The following LGI4 variants were observed in gnomAD, a reference collection of about 807,000 sequenced individuals.
LGI4 encodes the protein leucine rich repeat LGI family member 4, also known as leucine-rich repeat LGI family member 4.
Under a neutral mutation model 48.3 loss-of-function variants are expected in LGI4, and 36 were observed. That is an observed-to-expected ratio of 0.75 (90% confidence interval 0.57 to 0.98). The LOEUF (loss-of-function observed/expected upper bound fraction) is 0.98. Among genes scored for constraint, LGI4 ranks in the 50% least tolerant of loss-of-function variants. LGI4 has a pLI of 0.00. For missense variants in LGI4, 701 were observed against 732.1 expected, an observed-to-expected ratio of 0.96 and a Z score of 0.49; for synonymous variants, 355 against 331.6, an observed-to-expected ratio of 1.07 and a Z score of -0.77.
At chr19:35,129,117 C>T (rs115603684) in intron 6 of LGI4, among the ~76,000 whole-genome samples, 149 of 152,260 alleles carry the variant, frequency 9.8e-4, no homozygotes, top group African/African-American at 3.5e-3. Context: ...CGTAAGGCCA[C>T]GGCTCAGGTC....
chr19:35,134,957 T>A lies in LGI4; in HGVS notation c.-277A>T. On this transcript the variant is annotated 5_prime_UTR_variant, in exon 1 of 9. In the 5' UTR this introduces an upstream ATG that the reference lacks. Coordinates refer to ENST00000310123, the MANE Select transcript of LGI4 (RefSeq NM_139284.3). ...GTTTCTATTTCTGTCTTTGTCTCTC[T>A]TTCTGCCTGTTTCTTTTTTTCTGTG... 1 of 442,066 alleles carries A rather than the reference T, an allele frequency of 2.3e-6. No individual in the cohort carries two copies. The highest frequency in any genetic ancestry group is 4.0e-6 in the Non-Finnish European group (1 of 249,862). The allele number at this position is 442,066 out of a possible 1,614,324, so 27.4% of individuals were successfully genotyped here.
chr19:35,126,075 C>T, intron 8 of LGI4, 195 bp downstream of exon 8: 1 of 626,624 alleles, frequency 1.6e-6, no homozygotes, highest in Non-Finnish European at 2.8e-6. Flanking sequence ...GATGTTGGGG[C>T]CAGCATCAGT....
At chr19:35,125,892 G>C (rs2065131036) in intron 8 of LGI4, 1 of 541,186 alleles carries the variant, frequency 1.8e-6, no homozygotes, top group African/African-American at 1.9e-5. Context: ...TCAGATCAGG[G>C]CCCTTCCAGA....
chr19:35,126,390 G>C lies in LGI4; in HGVS notation c.1179C>G (p.Thr393=), dbSNP rs781216023. 3.1e-6 allele frequency: 5 copies of C among 1,610,556 alleles called. No individual in the cohort carries two copies. The Middle Eastern group carries it at 6.6e-4, about 213-fold the overall frequency. ...CTGTGCGTCTCTCGAAGCGGCCACC[G>C]GTCCAGTGGAAGAGCACGGGCCGCT... ...ASQRPVLFHW[T]GGRFERRTDI... is the part of the protein sequence containing the mutation. Residue 393 remains threonine, a synonymous_variant, in exon 8 of 9, where the codon ACC becomes ACG. Coordinates refer to ENST00000310123, the MANE Select transcript of LGI4 (RefSeq NM_139284.3).
intron 3 of LGI4, among the ~76,000 whole-genome samples, chr19:35,132,708 AATC>A (rs2065184136): frequency 1.3e-5 from 2 of 152,228 alleles, no homozygotes; most frequent in East Asian, 1.9e-4. Flanking sequence ...CAACACTAAT[AATC>A]ATCACCAACA....
rs1018706278 is a variant in LGI4 at position 35,133,570 on chromosome 19, C to A, written c.314+123G>T. 33 of 1,478,972 alleles carry A rather than the reference C, an allele frequency of 2.2e-5. No individual in the cohort carries two copies. In the African/African-American group the frequency reaches 4.4e-4, roughly 20 times the overall value. 91.6% of individuals were successfully genotyped at this position (1,478,972 alleles called of 1,614,324 possible). A position where few individuals can be genotyped will look rare whatever the true frequency, so the allele number is the denominator to read the frequency against. On this transcript the variant is annotated intron_variant, in intron 3 of 8. Transcript: ENST00000310123. ...GTTCGCCATTTTTATCAACACCATC[C>A]CACCATGATGTCCAAACACCTGCTC...
chr19:35,129,003 C>T (rs1331024877), intron 6 of LGI4, among the ~76,000 whole-genome samples: 1 of 152,134 alleles, frequency 6.6e-6, no homozygotes, highest in Non-Finnish European at 1.5e-5. Context: ...TAGGAACCCT[C>T]ATTCTCTCAT....
chr19:35,133,983 A>T lies in LGI4; in HGVS notation c.242+50T>A, dbSNP rs1010258736. ...AGCATACACTCCCACACATGTGCAT[A>T]AACGCACACTCCCTTGAGCTGGTTG... On this transcript the variant is annotated intron_variant, in intron 2 of 8. Transcript: ENST00000310123. 7.3e-6 allele frequency: 11 copies of T among 1,508,342 alleles called. No individual in the cohort carries two copies. In the Admixed American group the frequency reaches 2.2e-4, roughly 30 times the overall value. 93.4% of individuals were successfully genotyped at this position (1,508,342 alleles called of 1,614,324 possible).
At chr19:35,125,995 G>C (rs1291134119) in intron 8 of LGI4, 2 of 565,786 alleles carry the variant, frequency 3.5e-6, no homozygotes, top group African/African-American at 3.8e-5. Context: ...TCAGGGTGGG[G>C]ACAGGTGTGG....
Position 35,125,186 on chromosome 19 carries a change from G to C in LGI4, c.*7C>G, listed in dbSNP as rs778966473. The C allele has an allele frequency of 2.6e-6, 4 of 1,513,142 alleles. No homozygotes were observed. The East Asian group carries it at 9.1e-5, about 35-fold the overall frequency. 93.7% of individuals were successfully genotyped at this position (1,513,142 alleles called of 1,614,324 possible). A position where few individuals can be genotyped will look rare whatever the true frequency, so the allele number is the denominator to read the frequency against. On this transcript the variant is annotated 3_prime_UTR_variant, in exon 9 of 9. Coordinates refer to ENST00000310123, the MANE Select transcript of LGI4 (RefSeq NM_139284.3). ...CCCCAGCCATGCCCAGAGTCCCGTTGGTGGTCTCAGGCACTGAGGTCGATC... is the reference window on the plus strand; with the variant it reads ...CCCCAGCCATGCCCAGAGTCCCGTTCGTGGTCTCAGGCACTGAGGTCGATC...
At chr19:35,125,960 T>A in intron 8 of LGI4, 1 of 536,510 alleles carries the variant, frequency 1.9e-6, no homozygotes, top group Non-Finnish European at 3.4e-6. Flanking sequence ...TGCTTAACCC[T>A]AGCATCAGCC....
chr19:35,130,823 C>A (rs1223667109), intron 6 of LGI4, among the ~76,000 whole-genome samples: 1 of 152,184 alleles, frequency 6.6e-6, no homozygotes, highest in African/African-American at 2.4e-5. Context: ...CACAGCTTTC[C>A]CCATCCCTGC....
rs141157599 is a variant in LGI4 at position 35,128,446 on chromosome 19, C to T, written c.629-1429G>A. ...ACTCTCAGCCGAGAGTGGTGGCTCACGCCTGTAATCCCCACATTTTGGGAA... is the reference window on the plus strand; with the variant it reads ...ACTCTCAGCCGAGAGTGGTGGCTCATGCCTGTAATCCCCACATTTTGGGAA... On this transcript the variant is annotated intron_variant, in intron 6 of 8. Transcript: ENST00000310123. Among the ~76,000 whole-genome samples the T allele has an allele frequency of 3.9e-4, 59 of 152,304 alleles. No homozygotes were observed. In the East Asian group the frequency reaches 6.2e-3, roughly 16 times the overall value.
intron 1 of LGI4, 139 bp downstream of exon 1, chr19:35,134,372 A>T: frequency 1.1e-6 from 1 of 913,742 alleles, no homozygotes. Context: ...TCTTCAAGGC[A>T]TCCCGACAGG....
intron 2 of LGI4, 100 bp from the exon 3 acceptor site, chr19:35,133,864 AG>A: frequency 7.3e-7 from 1 of 1,371,784 alleles, no homozygotes; most frequent in Non-Finnish European, 1.0e-6. Context: ...ATGGGCACGC[AG>A]GTGTGAGTAT....
chr19:35,126,391 G>A lies in LGI4; in HGVS notation c.1178C>T (p.Thr393Ile), dbSNP rs745805708. ...TGTGCGTCTCTCGAAGCGGCCACCG[G>A]TCCAGTGGAAGAGCACGGGCCGCTG... is the stretch of plus-strand genomic sequence containing the variant. The part of the protein sequence containing the change: ...ASQRPVLFHW[T>I]GGRFERRTDI... Residue 393 changes from threonine (T) to isoleucine (I), a missense_variant, in exon 8 of 9, where the codon ACC (threonine) becomes ATC (isoleucine). Transcript: ENST00000310123. The A allele has an allele frequency of 2.5e-6, 4 of 1,610,652 alleles. No homozygotes were observed. The East Asian group carries it at 6.7e-5, about 27-fold the overall frequency.
rs1258668677 is a variant in LGI4 at position 35,126,333 on chromosome 19, T to G, written c.1236A>C (p.Thr412=). 4 of 1,611,698 alleles carry G rather than the reference T, an allele frequency of 2.5e-6. No homozygotes were observed. Among genetic ancestry groups the G allele is most frequent in the Non-Finnish European group, 3.4e-6 (4 of 1,179,456 alleles). ...DIPEAEDVYA[T]RHFQAGGDVF... Reference sequence around the variant, plus strand: ...CGTCCCCACCAGCCTGGAAGTGGCGTGTGGCATAGACATCCTCGGCCTCGG... The same window carrying G: ...CGTCCCCACCAGCCTGGAAGTGGCGGGTGGCATAGACATCCTCGGCCTCGG... The change falls in exon 8 of 9, where the codon ACA becomes ACC. Residue 412 remains threonine (T), a synonymous_variant. Coordinates refer to ENST00000310123, the MANE Select transcript of LGI4 (RefSeq NM_139284.3).
In LGI4 at chr19:35,128,661, G is replaced by A. The variant is rs1233309689; in HGVS notation, c.629-1644C>T. ...GGGGAGGTCAAGGCCTCAGTGAGCC[G>A]TGATTGTACCACTGAACTCCAGCCT... On this transcript the variant is annotated intron_variant, in intron 6 of 8. Coordinates refer to ENST00000310123, the MANE Select transcript of LGI4 (RefSeq NM_139284.3). Among the ~76,000 whole-genome samples, 12 of 152,290 alleles carry A rather than the reference G, an allele frequency of 7.9e-5. No homozygotes were observed. In the South Asian group the frequency reaches 8.3e-4, roughly 11 times the overall value.
chr19:35,132,683 C>A (rs566044255), intron 3 of LGI4, among the ~76,000 whole-genome samples: 13 of 152,240 alleles, frequency 8.5e-5, no homozygotes, highest in African/African-American at 3.1e-4. Flanking sequence ...TCATCATTAC[C>A]AAACTCCACA....
Sources: allele counts gnomAD v4.1 joint callset (sites outside exome capture counted in the v4.1 genomes callset), GRCh38; gene constraint gnomAD v4.1.1; transcripts MANE v1.5; gene names NCBI Gene and HGNC (gene_info 2026-07-23, HGNC 2026-07-21).